The following ATP9B variants were observed in gnomAD, a reference collection of about 807,000 sequenced individuals.
ATP9B encodes ATPase phospholipid transporting 9B, also known as probable phospholipid-transporting ATPase IIB.
In ATP9B, 110 loss-of-function variants were observed where a neutral mutation model predicts 146.1. The ratio of observed to expected loss-of-function variants is 0.75; its 90% CI spans 0.65 to 0.88. The LOEUF is 0.88. Among genes scored for constraint, ATP9B ranks in the 40% least tolerant of loss-of-function variants. ATP9B has a pLI of 0.00. For missense variants in ATP9B, 1,499 were observed against 1,496.4 expected (o/e 1.00, Z -0.03); for synonymous variants, 604 against 569.7 (o/e 1.06, Z -0.86).
At chr18:79,222,008 C>G (rs2095684939) in intron 11 of ATP9B, among the ~76,000 whole-genome samples, 1 of 151,826 alleles carries the variant, frequency 6.6e-6, no homozygotes, top group Non-Finnish European at 1.5e-5. Context: ...ACTCATATCC[C>G]TAGACCCTGA....
At chr18:79,313,222 G>A (rs1005064266) in intron 15 of ATP9B, among the ~76,000 whole-genome samples, 8 of 152,232 alleles carry the variant, frequency 5.3e-5, no homozygotes, top group African/African-American at 1.9e-4. Flanking sequence ...GAGAATCTGA[G>A]CGAAGAGGCG....
intron 2 of ATP9B, among the ~76,000 whole-genome samples, chr18:79,109,416 C>G (rs979156933): frequency 5.3e-5 from 8 of 151,986 alleles, no homozygotes; most frequent in Non-Finnish European, 1.5e-5. Flanking sequence ...CTCCTGAAAC[C>G]CAGACACTAT....
chr18:79,354,802 C>T (rs1014490708), intron 25 of ATP9B, among the ~76,000 whole-genome samples: 9 of 152,166 alleles, frequency 5.9e-5, no homozygotes, highest in Non-Finnish European at 1.2e-4. Context: ...AGCCTGGAAA[C>T]GCCCATGGGT....
chr18:79,274,332 T>A (rs777504443), intron 12 of ATP9B, among the ~76,000 whole-genome samples: 1 of 152,196 alleles, frequency 6.6e-6, no homozygotes, highest in Non-Finnish European at 1.5e-5. Flanking sequence ...ATCATGGAGA[T>A]TTTTAACGTT....
chr18:79,078,014 C>T (rs1192210613), intron 1 of ATP9B: 1 of 152,178 alleles, frequency 6.6e-6, no homozygotes, highest in Non-Finnish European at 1.5e-5. Flanking sequence ...TGCATGTACC[C>T]TACAATGACT....
intron 17 of ATP9B, among the ~76,000 whole-genome samples, chr18:79,335,960 C>T: frequency 6.6e-6 from 1 of 152,058 alleles, no homozygotes; most frequent in Non-Finnish European, 1.5e-5. Context: ...GGGGGTCCCC[C>T]TCTCCCCCAG....
chr18:79,221,069 C>T (rs932218009), intron 11 of ATP9B, among the ~76,000 whole-genome samples: 9 of 152,210 alleles, frequency 5.9e-5, no homozygotes, highest in South Asian at 2.1e-4. Context: ...AAGCAATTGA[C>T]ATTTTCCAAT....
rs1322816908 is a variant in ATP9B, at chr18:79,132,402, A to G, written c.667+6027A>G. 2.6e-5 allele frequency among the ~76,000 whole-genome samples: 4 copies of G among 152,086 alleles called. No homozygotes were observed. In the South Asian group the frequency reaches 6.2e-4, roughly 24 times the overall value. On this transcript the variant is annotated intron_variant, in intron 5 of 29. Coordinates refer to ENST00000426216, the MANE Select transcript of ATP9B (RefSeq NM_198531.5). ...TCATATCCAGCATCGTCCAAGCGGG[A>G]GTTGATGTGCTCTCCGAGTTCTAGA...
chr18:79,212,105 A>G (rs1050067706), intron 10 of ATP9B, among the ~76,000 whole-genome samples: 1 of 152,202 alleles, frequency 6.6e-6, no homozygotes, highest in African/African-American at 2.4e-5. Context: ...CTTTTAGCCT[A>G]TTGTACTTCA....
intron 26 of ATP9B, chr18:79,361,914 A>C (rs3826566): frequency 2.0e-6 from 1 of 497,436 alleles, no homozygotes; most frequent in South Asian, 8.7e-5. Context: ...TGCTCTCAAC[A>C]AGTCTGTATT....
chr18:79,230,182 A>C (rs961853901), intron 11 of ATP9B, among the ~76,000 whole-genome samples: 1 of 152,306 alleles, frequency 6.6e-6, no homozygotes, highest in African/African-American at 2.4e-5. Flanking sequence ...TCAATAATAA[A>C]ATGGAAGTTT....
intron 28 of ATP9B, 100 bp downstream of exon 28, chr18:79,374,201 C>G (rs2097089772): frequency 4.4e-6 from 6 of 1,353,266 alleles, no homozygotes; most frequent in Non-Finnish European, 6.1e-6. Context: ...AGTTGTGGAT[C>G]ATGGTAAAAC....
rs572537813 is a variant in ATP9B at position 79,336,780 on chromosome 18, T to C, written c.2112+69T>C. Reference sequence around the variant, plus strand: ...TCCTTACGCTGAAATTAGTTCTTCCTGTCTTTGTATGAAATTAGAGCTGGG... The same window carrying C: ...TCCTTACGCTGAAATTAGTTCTTCCCGTCTTTGTATGAAATTAGAGCTGGG... On this transcript the variant is annotated intron_variant, in intron 18 of 29. Coordinates refer to ENST00000426216, the MANE Select transcript of ATP9B (RefSeq NM_198531.5). The C allele has an allele frequency of 2.4e-4, 354 of 1,483,610 alleles. 4 individuals carry two copies. The South Asian group carries it at 3.9e-3, about 16-fold the overall frequency. The allele number at this position is 1,483,610 out of a possible 1,614,324, so 91.9% of individuals were successfully genotyped here. A position where few individuals can be genotyped will look rare whatever the true frequency, so the allele number is the denominator to read the frequency against.
At chr18:79,241,472 C>T (rs2095888022) in intron 11 of ATP9B, among the ~76,000 whole-genome samples, 1 of 152,196 alleles carries the variant, frequency 6.6e-6, no homozygotes, top group Non-Finnish European at 1.5e-5. Context: ...CTCTGTGGTT[C>T]TTCTGGCCTC....
At chr18:79,079,267 C>A (rs1444062312) in intron 1 of ATP9B, among the ~76,000 whole-genome samples, 1 of 152,216 alleles carries the variant, frequency 6.6e-6, no homozygotes. Flanking sequence ...AACTAACTTA[C>A]ACTCCCACCA....
At chr18:79,315,771 T>G (rs1421305351) in intron 15 of ATP9B, among the ~76,000 whole-genome samples, 1 of 152,238 alleles carries the variant, frequency 6.6e-6, no homozygotes, top group African/African-American at 2.4e-5. Flanking sequence ...TTATTTAGCA[T>G]GGAGAAGTGC....
chr18:79,345,925 G>C, intron 23 of ATP9B, 86 bp downstream of exon 23: 2 of 1,453,218 alleles, frequency 1.4e-6, no homozygotes, highest in Non-Finnish European at 9.6e-7. Context: ...TGTACACTCA[G>C]CACCTACTTG....
At chr18:79,158,328 C>T (rs1346866663) in intron 7 of ATP9B, among the ~76,000 whole-genome samples, 1 of 151,942 alleles carries the variant, frequency 6.6e-6, no homozygotes, top group Non-Finnish European at 1.5e-5. Flanking sequence ...GGCTGGAGTG[C>T]AGTGACATGA....
At chr18:79,329,880 G>A (rs1337065037) in intron 16 of ATP9B, 132 bp from the exon 17 acceptor site, 4 of 768,224 alleles carry the variant, frequency 5.2e-6, no homozygotes, top group Non-Finnish European at 8.9e-6. Context: ...AGAAACACGT[G>A]TGAGGAGCTT....
Sources: gnomAD v4.1 joint callset for allele counts (sites outside exome capture counted in the v4.1 genomes callset) on GRCh38, gnomAD v4.1.1 for gene constraint, MANE v1.5 for transcripts, NCBI Gene and HGNC (gene_info 2026-07-23, HGNC 2026-07-21) for gene names.